TRAPPC9: variants seen among roughly 807,000 people sequenced by gnomAD.
The protein encoded by TRAPPC9 is trafficking protein particle complex subunit 9.
A neutral mutation model predicts 124.0 loss-of-function variants in TRAPPC9; 83 were observed. The ratio of observed to expected loss-of-function variants is 0.67; its 90% CI spans 0.56 to 0.80. TRAPPC9 has a LOEUF of 0.80. Among genes scored for constraint, TRAPPC9 ranks in the 30% least tolerant of loss-of-function variants. The pLI, the probability that TRAPPC9 is intolerant of heterozygous loss-of-function variation, is 0.00. For missense variants in TRAPPC9, 1,302 were observed against 1,508.3 expected (o/e 0.86, Z 2.27); for synonymous variants, 638 against 617.5 (o/e 1.03, Z -0.49).
chr8:140,305,032 T>C (rs1267181266), intron 10 of TRAPPC9, among the ~76,000 whole-genome samples: 1 of 152,222 alleles, frequency 6.6e-6, no homozygotes, highest in Non-Finnish European at 1.5e-5. Flanking sequence ...CATCAGAATG[T>C]TCTCTTCGAG....
At chr8:139,764,642 C>T (rs1027111264) in intron 21 of TRAPPC9, among the ~76,000 whole-genome samples, 1 of 152,130 alleles carries the variant, frequency 6.6e-6, no homozygotes, top group Non-Finnish European at 1.5e-5. Context: ...CCTGTGTTCA[C>T]AAGGACACAC....
At chr8:139,916,376 G>T (rs1307030615) in intron 19 of TRAPPC9, 4 of 152,240 alleles carry the variant, frequency 2.6e-5, no homozygotes, top group African/African-American at 9.6e-5. Context: ...CTGCTGTCAT[G>T]ATTCTGAAAC....
At chr8:140,211,518 C>T (rs537535242) in intron 17 of TRAPPC9, among the ~76,000 whole-genome samples, 1 of 152,258 alleles carries the variant, frequency 6.6e-6, no homozygotes, top group East Asian at 1.9e-4. Context: ...GTGATCACAC[C>T]ACTGCATTCT....
chr8:139,999,336 T>A (rs898636332), intron 18 of TRAPPC9, among the ~76,000 whole-genome samples: 2 of 152,046 alleles, frequency 1.3e-5, no homozygotes, highest in African/African-American at 4.8e-5. Flanking sequence ...ATCAGACACC[T>A]AAAGAGGGAC....
chr8:139,894,382 C>T (rs1830536922), intron 20 of TRAPPC9, among the ~76,000 whole-genome samples: 1 of 152,150 alleles, frequency 6.6e-6, no homozygotes, highest in Non-Finnish European at 1.5e-5. Context: ...GGGTGCTGTC[C>T]TTTCCAGGAG....
chr8:140,211,874 T>G (rs927669120), intron 17 of TRAPPC9, among the ~76,000 whole-genome samples: 3 of 152,066 alleles, frequency 2.0e-5, no homozygotes, highest in Non-Finnish European at 4.4e-5. Context: ...CTTACAGTGA[T>G]GGGGAGCTCA....
intron 19 of TRAPPC9, among the ~76,000 whole-genome samples, chr8:139,927,388 G>A (rs1832879508): frequency 6.6e-6 from 1 of 152,138 alleles, no homozygotes; most frequent in Non-Finnish European, 1.5e-5. Context: ...GGGACTACAA[G>A]TGTGCACCAC....
At chr8:139,997,999 G>T (rs1253854726) in intron 18 of TRAPPC9, among the ~76,000 whole-genome samples, 1 of 134,030 alleles carries the variant, frequency 7.5e-6, no homozygotes, top group African/African-American at 2.9e-5. Flanking sequence ...ACACAGGGGA[G>T]ACAATGCATC....
intron 17 of TRAPPC9, among the ~76,000 whole-genome samples, chr8:140,041,342 T>A (rs1475653017): frequency 6.6e-6 from 1 of 152,190 alleles, no homozygotes; most frequent in South Asian, 2.1e-4. Context: ...TCAGTACAGG[T>A]GTTCAAACAG....
At chr8:139,945,543 C>CAAAAAAAAAAAAAAAAAAAA (rs61528944) in intron 19 of TRAPPC9, among the ~76,000 whole-genome samples, 3 of 66,170 alleles carry the variant, frequency 4.5e-5, no homozygotes, top group Non-Finnish European at 7.4e-5. Flanking sequence ...GCACAATTAG[C>CAAAAAAAAAAAAAAAAAAAA]AAAAAAAAAA....
At chr8:140,062,944 G>T (rs1020624083) in intron 17 of TRAPPC9, among the ~76,000 whole-genome samples, 1 of 152,320 alleles carries the variant, frequency 6.6e-6, no homozygotes, top group South Asian at 2.1e-4. Context: ...ATAAAGGAAA[G>T]AGGTTTAATT....
At chr8:139,858,193 G>A (rs1563868371) in intron 21 of TRAPPC9, among the ~76,000 whole-genome samples, 1 of 152,224 alleles carries the variant, frequency 6.6e-6, no homozygotes, top group South Asian at 2.1e-4. Context: ...TTGCCATAAG[G>A]ACTAACTCTT....
At chr8:140,319,377 C>G (rs1430189863) in intron 9 of TRAPPC9, among the ~76,000 whole-genome samples, 1 of 151,950 alleles carries the variant, frequency 6.6e-6, no homozygotes, top group African/African-American at 2.4e-5. Context: ...CGGGGTTTCA[C>G]CGTGTTAGCC....
chr8:140,354,447 G>A (rs919375572), intron 9 of TRAPPC9, among the ~76,000 whole-genome samples: 11 of 152,172 alleles, frequency 7.2e-5, no homozygotes, highest in African/African-American at 2.7e-4. Flanking sequence ...CCAAAGTCTT[G>A]GAGAACTCAG....
intron 15 of TRAPPC9, among the ~76,000 whole-genome samples, chr8:140,267,622 G>A (rs1384526013): frequency 1.3e-5 from 2 of 152,120 alleles, no homozygotes; most frequent in East Asian, 1.9e-4. Context: ...CCTGGTATGT[G>A]GAGAGCGCTA....
intron 6 of TRAPPC9, among the ~76,000 whole-genome samples, chr8:140,401,200 A>G (rs1317196713): frequency 6.6e-6 from 1 of 152,228 alleles, no homozygotes. Context: ...CCAATCATGA[A>G]GAAGCAAAGG....
intron 17 of TRAPPC9, among the ~76,000 whole-genome samples, chr8:140,080,812 C>T (rs769307189): frequency 6.6e-6 from 1 of 152,178 alleles, no homozygotes; most frequent in Non-Finnish European, 1.5e-5. Context: ...TGGGCCAGAG[C>T]TTTCATCATG....
In TRAPPC9 at chr8:140,287,866, G is replaced by T. The variant is rs191188939; in HGVS notation, c.1855-132C>A. On this transcript the variant is annotated intron_variant, in intron 12 of 22. Transcript: ENST00000438773. ...TAAAATCACCAACAGTCTTCACAGA[G>T]AACTTCGGAGACAGTGTACAGTGTA... 196 of 1,285,756 alleles carry T rather than the reference G, an allele frequency of 1.5e-4. 1 individual carries two copies. The African/African-American group carries it at 2.4e-3, about 16-fold the overall frequency. The allele number at this position is 1,285,756 out of a possible 1,614,324, so 79.6% of individuals were successfully genotyped here.
chr8:140,014,778 A>C (rs1447526445), intron 18 of TRAPPC9, among the ~76,000 whole-genome samples: 1 of 152,140 alleles, frequency 6.6e-6, no homozygotes, highest in African/African-American at 2.4e-5. Context: ...TCACGAACGC[A>C]CAGGACAAGG....
Sources: allele counts gnomAD v4.1 joint callset (sites outside exome capture counted in the v4.1 genomes callset), GRCh38; gene constraint gnomAD v4.1.1; transcripts MANE v1.5; gene names NCBI Gene and HGNC (gene_info 2026-07-23, HGNC 2026-07-21).